RP1: variants seen among roughly 807,000 people sequenced by gnomAD.
The protein encoded by RP1 is RP1 axonemal microtubule associated.
Under a neutral mutation model 14.8 loss-of-function variants are expected in RP1, and 16 were observed. The observed-to-expected ratio is 1.08, with a 90% CI of 0.73 to 1.65. RP1 has a LOEUF of 1.65. Among genes scored for constraint, RP1 ranks in the 40% most tolerant of loss-of-function variants. The pLI, the probability that RP1 is intolerant of heterozygous loss-of-function variation, is 0.00. For missense variants in RP1, 2,631 were observed against 2,535.0 expected, an observed-to-expected ratio of 1.04 and a Z score of -0.81; for synonymous variants, 876 against 883.6, an observed-to-expected ratio of 0.99 and a Z score of 0.15.
downstream of RP1, among the ~76,000 whole-genome samples, chr8:54,773,465 G>A (rs537502587): frequency 6.6e-6 from 1 of 151,916 alleles, no homozygotes; most frequent in South Asian, 2.1e-4. Flanking sequence ...GGTGAAACTC[G>A]ATCTCTACTA....
chr8:54,747,625 G>A (rs1196805361), intron 19 of RP1, among the ~76,000 whole-genome samples: 1 of 152,202 alleles, frequency 6.6e-6, no homozygotes, highest in Non-Finnish European at 1.5e-5. Context: ...GTACGGCTGG[G>A]TGCATTGGCT....
At chr8:54,603,526 T>G (rs1277503329) in intron 1 of RP1, among the ~76,000 whole-genome samples, 2 of 152,054 alleles carry the variant, frequency 1.3e-5, no homozygotes, top group African/African-American at 4.8e-5. Context: ...TGAGGGCTCT[T>G]TTTTGGTTCC....
At chr8:54,663,034 A>G (rs1806935602) in intron 6 of RP1, among the ~76,000 whole-genome samples, 1 of 152,192 alleles carries the variant, frequency 6.6e-6, no homozygotes, top group African/African-American at 2.4e-5. Flanking sequence ...GTAAAATTCC[A>G]GAAACAGACA....
At chr8:54,571,186 T>C (rs922859016) in intron 1 of RP1, among the ~76,000 whole-genome samples, 3 of 152,138 alleles carry the variant, frequency 2.0e-5, no homozygotes, top group African/African-American at 7.2e-5. Context: ...TGTTGGGTGC[T>C]AAATCCTTGC....
intron 12 of RP1, among the ~76,000 whole-genome samples, chr8:54,690,547 C>T (rs944806652): frequency 1.3e-5 from 2 of 151,864 alleles, no homozygotes; most frequent in African/African-American, 4.8e-5. Context: ...AACTTCAATC[C>T]CTAAATAGAG....
intron 8 of RP1, among the ~76,000 whole-genome samples, chr8:54,674,147 A>G (rs188506019): frequency 6.6e-6 from 1 of 152,300 alleles, no homozygotes; most frequent in African/African-American, 2.4e-5. Flanking sequence ...ATAATCTAGG[A>G]TGGGCCTAAA....
intron 25 of RP1, among the ~76,000 whole-genome samples, chr8:54,848,288 G>A (rs183779337): frequency 6.6e-6 from 1 of 152,310 alleles, no homozygotes; most frequent in East Asian, 1.9e-4. Context: ...CCCAAGGCTT[G>A]TGGGCTCCTT....
At chr8:54,792,718 A>T (rs954356904) in intron 24 of RP1, among the ~76,000 whole-genome samples, 2 of 151,938 alleles carry the variant, frequency 1.3e-5, no homozygotes, top group African/African-American at 4.8e-5. Context: ...TTATAACTGT[A>T]AATGGCTACA....
At chr8:54,588,329 A>G (rs1278018023) in intron 1 of RP1, among the ~76,000 whole-genome samples, 1 of 152,206 alleles carries the variant, frequency 6.6e-6, no homozygotes, top group African/African-American at 2.4e-5. Flanking sequence ...CAAACACATA[A>G]CTGGAGAGCA....
intron 7 of RP1, among the ~76,000 whole-genome samples, chr8:54,672,915 A>G (rs1807210423): frequency 6.6e-6 from 1 of 152,146 alleles, no homozygotes. Flanking sequence ...ACTCGTAATT[A>G]TCTTTTATTG....
chr8:54,724,923 C>T (rs1808618862), intron 16 of RP1, among the ~76,000 whole-genome samples: 1 of 152,122 alleles, frequency 6.6e-6, no homozygotes, highest in Non-Finnish European at 1.5e-5. Context: ...CATAGACTGG[C>T]CCTGTTGTGC....
chr8:54,820,702 C>G (rs966127331), intron 24 of RP1, among the ~76,000 whole-genome samples: 2 of 152,158 alleles, frequency 1.3e-5, no homozygotes, highest in Admixed American at 1.3e-4. Flanking sequence ...TCTTCAGTGT[C>G]CCTTTCCCTG....
At chr8:54,655,433 C>A (rs1806734265) in intron 5 of RP1, among the ~76,000 whole-genome samples, 1 of 152,100 alleles carries the variant, frequency 6.6e-6, no homozygotes, top group Non-Finnish European at 1.5e-5. Flanking sequence ...TTGTTTAACT[C>A]CAGGATAAAT....
intron 15 of RP1, among the ~76,000 whole-genome samples, chr8:54,707,786 A>G (rs180932778): frequency 8.5e-5 from 13 of 152,338 alleles, no homozygotes; most frequent in Non-Finnish European, 7.3e-5. Context: ...ACTGATGCTC[A>G]CAATGCAAAG....
chr8:54,697,352 C>G (rs1034510218), intron 12 of RP1, among the ~76,000 whole-genome samples: 3 of 152,000 alleles, frequency 2.0e-5, no homozygotes, highest in African/African-American at 7.2e-5. Flanking sequence ...GTCGGGAGTT[C>G]GAGATCAGCC....
Position 54,746,176 on chromosome 8 carries a change from T to G in RP1, c.2808+7147T>G, listed in dbSNP as rs574615309. Among the ~76,000 whole-genome samples the G allele has an allele frequency of 5.8e-3, 885 of 152,298 alleles. 6 individuals are homozygous for G. Among genetic ancestry groups the G allele is most frequent in the African/African-American group, 0.016 (672 of 41,562 alleles). Reference sequence around the variant, plus strand: ...CAAGCACTTATGGAATGCTTTTTTTTGGGGGAAGCCGTTGTTTCTAAACAA... The same window carrying G: ...CAAGCACTTATGGAATGCTTTTTTTGGGGGGAAGCCGTTGTTTCTAAACAA... On this transcript the variant is annotated intron_variant, in intron 19 of 22. Coordinates refer to the RP1 transcript ENST00000636932.
At chr8:54,806,194 T>G (rs1305244145) in intron 24 of RP1, among the ~76,000 whole-genome samples, 1 of 152,048 alleles carries the variant, frequency 6.6e-6, no homozygotes, top group African/African-American at 2.4e-5. Context: ...AATTTTTGTA[T>G]TTTTAGTAGA....
In RP1 at chr8:54,621,462, A is replaced by G; in HGVS notation, c.496A>G (p.Thr166Ala). Residue 166 changes from threonine (T) to alanine (A), a missense_variant, in exon 2 of 4, where the codon ACG becomes GCG. Transcript: ENST00000220676. ...LVVFRNGDPK[T>A]RRAVLLSRRV... ...GGTCTTCAGGAATGGCGACCCGAAG[A>G]CGAGGCGTGCGGTTCTTCTGAGCAG... is the stretch of plus-strand genomic sequence containing the variant. 2 of 1,613,990 alleles carry G rather than the reference A, an allele frequency of 1.2e-6. No homozygotes were observed. Among genetic ancestry groups the G allele is most frequent in the Non-Finnish European group, 1.7e-6 (2 of 1,180,014 alleles).
chr8:54,669,974 C>T (rs1352083757), intron 7 of RP1, among the ~76,000 whole-genome samples: 1 of 151,940 alleles, frequency 6.6e-6, no homozygotes, highest in Non-Finnish European at 1.5e-5. Context: ...ACATGTATAC[C>T]TATGTAACAA....
Sources: allele counts gnomAD v4.1 joint callset (sites outside exome capture counted in the v4.1 genomes callset), GRCh38; gene constraint gnomAD v4.1.1; transcripts MANE v1.5; gene names NCBI Gene and HGNC (gene_info 2026-07-23, HGNC 2026-07-21).